MDM4: variants seen among roughly 807,000 people sequenced by gnomAD.
MDM4 encodes the protein MDM4 regulator of p53.
In MDM4, 2 loss-of-function variants were observed where a neutral mutation model predicts 60.2. That is an observed-to-expected ratio of 0.03 (90% CI 0.01 to 0.10). The LOEUF is 0.10. MDM4 is among the 10% of genes least tolerant of loss of function. The probability of loss-of-function intolerance (pLI) is 1.00; values close to 1 mark genes in which losing one functional copy is unlikely to be tolerated. For synonymous variants in MDM4, 202 were observed against 198.1 expected (o/e 1.02, Z -0.17); for missense variants, 447 against 577.5 (o/e 0.77, Z 2.32).
At chr1:204,517,716 A>G (rs1659133939) in intron 1 of MDM4, among the ~76,000 whole-genome samples, 1 of 152,108 alleles carries the variant, frequency 6.6e-6, no homozygotes, top group Non-Finnish European at 1.5e-5. Context: ...ACCACAGTTT[A>G]AAAGCAACAC....
intron 5 of MDM4, among the ~76,000 whole-genome samples, chr1:204,535,257 A>C (rs1661283548): frequency 6.7e-6 from 1 of 149,070 alleles, no homozygotes; most frequent in African/African-American, 2.5e-5. Flanking sequence ...TCCCGGGTTC[A>C]CGCAGTTCTC....
At position 204,555,504 on chromosome 1, in the gene MDM4, C is replaced by T. The variant is rs984217598; in HGVS notation, c.*5822C>T. The T allele has an allele frequency of 5.9e-6, 1 of 168,456 alleles. No homozygotes were observed. Among genetic ancestry groups the T allele is most frequent in the Admixed American group, 6.4e-5 (1 of 15,624 alleles). 10.4% of individuals were successfully genotyped at this position (168,456 alleles called of 1,614,324 possible). A position where few individuals can be genotyped will look rare whatever the true frequency, so the allele number is the denominator to read the frequency against. Reference sequence around the variant, plus strand: ...AGGGTCAAGGATACCTAAAAAGGGTCAAATAATGCTAGAAGAGCAATTCCT... The same window carrying T: ...AGGGTCAAGGATACCTAAAAAGGGTTAAATAATGCTAGAAGAGCAATTCCT... On this transcript the variant is annotated 3_prime_UTR_variant, in exon 11 of 11. Coordinates refer to ENST00000367182, the MANE Select transcript of MDM4 (RefSeq NM_002393.5).
At chr1:204,543,449 T>C (rs891317977) in intron 8 of MDM4, among the ~76,000 whole-genome samples, 1 of 152,262 alleles carries the variant, frequency 6.6e-6, no homozygotes, top group African/African-American at 2.4e-5. Context: ...GTTCACTACA[T>C]GCGTTTTGGA....
intron 5 of MDM4, among the ~76,000 whole-genome samples, chr1:204,536,660 CTT>C (rs1242997073): frequency 6.6e-6 from 1 of 152,108 alleles, no homozygotes. Flanking sequence ...AAGTTTTTGT[CTT>C]TTGTTCTACT....
chr1:204,546,959 G>A (rs1662728323), intron 10 of MDM4, 82 bp downstream of exon 10: 1 of 841,520 alleles, frequency 1.2e-6, no homozygotes, highest in South Asian at 1.6e-5. Context: ...GTGTTGAAGA[G>A]TGCTGTTTAC....
chr1:204,539,781 G>A (rs971077293), intron 7 of MDM4, among the ~76,000 whole-genome samples: 33 of 151,570 alleles, frequency 2.2e-4, no homozygotes, highest in African/African-American at 8.0e-4. Context: ...TGATCCACCC[G>A]CCTTGGCCTC....
chr1:204,529,606 G>A (rs188867238), intron 3 of MDM4: 11 of 1,263,462 alleles, frequency 8.7e-6, no homozygotes, highest in African/African-American at 1.5e-5. Context: ...CCACTACTGG[G>A]GGGGGTCCAA....
chr1:204,545,892 C>G (rs531230814), intron 9 of MDM4, among the ~76,000 whole-genome samples: 2 of 152,188 alleles, frequency 1.3e-5, no homozygotes, highest in Middle Eastern at 3.4e-3. Flanking sequence ...GGTTGCTGTA[C>G]AGAGGTTCAT....
At chr1:204,536,503 T>C (rs1443864688) in intron 5 of MDM4, among the ~76,000 whole-genome samples, 1 of 152,222 alleles carries the variant, frequency 6.6e-6, no homozygotes, top group African/African-American at 2.4e-5. Flanking sequence ...GGTGATGATA[T>C]TTTCCATATT....
rs756948038 is a variant in MDM4 at position 204,532,261 on chromosome 1, A to G, written c.343+15A>G. On this transcript the variant is annotated intron_variant, in intron 5 of 10. Transcript: ENST00000367182. ...TGCTACTACAGGTATGTCACATCATATTTCTTCAGTCTGTATCACAGCTTT... is the reference window on the plus strand; with the variant it reads ...TGCTACTACAGGTATGTCACATCATGTTTCTTCAGTCTGTATCACAGCTTT... 1.3e-6 allele frequency: 2 copies of G among 1,530,160 alleles called. No individual in the cohort carries two copies. The highest frequency in any genetic ancestry group is 1.1e-5 in the South Asian group (1 of 88,774). 94.8% of individuals were successfully genotyped at this position (1,530,160 alleles called of 1,614,324 possible). A position where few individuals can be genotyped will look rare whatever the true frequency, so the allele number is the denominator to read the frequency against.
intron 8 of MDM4, among the ~76,000 whole-genome samples, chr1:204,543,795 C>T (rs1442119884): frequency 6.6e-6 from 1 of 152,140 alleles, no homozygotes; most frequent in Non-Finnish European, 1.5e-5. Context: ...GTACTTCTCA[C>T]TTTGTAAAAA....
intron 3 of MDM4, chr1:204,528,799 C>G (rs1050012208): frequency 8.1e-7 from 1 of 1,235,110 alleles, no homozygotes; most frequent in Admixed American, 1.8e-5. Context: ...CTCTAGGAAG[C>G]CAGGAAAGGT....
At chr1:204,518,142 C>T (rs555740547) in intron 1 of MDM4, among the ~76,000 whole-genome samples, 27 of 152,126 alleles carry the variant, frequency 1.8e-4, no homozygotes, top group Non-Finnish European at 2.9e-4. Flanking sequence ...GGCGACAGCG[C>T]GAGAGCCTGT....
At chr1:204,537,021 A>T in intron 5 of MDM4, 1 of 275,338 alleles carries the variant, frequency 3.6e-6, no homozygotes, top group South Asian at 3.4e-5. Flanking sequence ...TGAAAGTTGA[A>T]ATTAAATGTA....
At chr1:204,532,166 A>AT (rs1660921408) in intron 4 of MDM4, 25 bp from the exon 5 acceptor site, 2 of 1,518,538 alleles carry the variant, frequency 1.3e-6, no homozygotes, top group Non-Finnish European at 1.8e-6. Context: ...GGGGTTGTTA[A>AT]TTTTTTATCT....
At position 204,551,671 on chromosome 1, in the gene MDM4, A is replaced by G. The variant is rs547360728; in HGVS notation, c.*1989A>G. On this transcript the variant is annotated 3_prime_UTR_variant, in exon 11 of 11. Transcript: ENST00000367182. ...ATGGGAAAATGTTGGTGTGTTCTCAAGGGTATGCATGTGTCATTTTGAAGA... is the reference window on the plus strand; with the variant it reads ...ATGGGAAAATGTTGGTGTGTTCTCAGGGGTATGCATGTGTCATTTTGAAGA... The G allele has an allele frequency of 1.2e-4, 27 of 231,234 alleles. No homozygotes were observed. Among genetic ancestry groups the G allele is most frequent in the African/African-American group, 5.5e-4 (25 of 45,194 alleles). 14.3% of individuals were successfully genotyped at this position (231,234 alleles called of 1,614,324 possible). A position where few individuals can be genotyped will look rare whatever the true frequency, so the allele number is the denominator to read the frequency against.
At chr1:204,528,773 C>T in intron 3 of MDM4, 1 of 868,024 alleles carries the variant, frequency 1.2e-6, no homozygotes, top group Admixed American at 2.0e-5. Flanking sequence ...AGAGAGAGGT[C>T]CACGTACTTC....
chr1:204,516,828 A>C (rs1005781127), intron 1 of MDM4, among the ~76,000 whole-genome samples: 4 of 152,178 alleles, frequency 2.6e-5, no homozygotes, highest in Admixed American at 1.3e-4. Context: ...GGCAATTTGG[A>C]GAAAGGAGGT....
chr1:204,547,439 T>C (rs1662775826), intron 10 of MDM4, among the ~76,000 whole-genome samples: 1 of 152,210 alleles, frequency 6.6e-6, no homozygotes, highest in Non-Finnish European at 1.5e-5. Flanking sequence ...TACCTTGCTT[T>C]TTTGTTGCTA....
Sources: gnomAD v4.1 joint callset for allele counts (sites outside exome capture counted in the v4.1 genomes callset) on GRCh38, gnomAD v4.1.1 for gene constraint, MANE v1.5 for transcripts, NCBI Gene and HGNC (gene_info 2026-07-23, HGNC 2026-07-21) for gene names.